Variants in SLC25A26 observed in about 807,000 individuals in gnomAD.
SLC25A26 encodes solute carrier family 25 member 26.
A neutral mutation model predicts 37.8 loss-of-function variants in SLC25A26; 36 were observed. The ratio of observed to expected loss-of-function variants is 0.95; its 90% CI spans 0.73 to 1.26. SLC25A26 has a LOEUF of 1.26. Ranked by LOEUF, SLC25A26 falls within the 50% of genes most tolerant of loss-of-function variation. SLC25A26 has a pLI of 0.00. For missense variants in SLC25A26, 390 were observed against 331.1 expected (o/e 1.18, Z -1.38); for synonymous variants, 129 against 122.5 (o/e 1.05, Z -0.35).
In SLC25A26 at chr3:66,276,801, T is replaced by C. The variant is rs1034424769; in HGVS notation, c.453+13422T>C. ...AAATTTTTGTGAGGATTTTTTTTTT[T>C]CCCTTTTTGAATATACTCTGCTTTT... On this transcript the variant is annotated intron_variant, in intron 5 of 9. Transcript: ENST00000354883. Among the ~76,000 whole-genome samples the C allele has an allele frequency of 4.6e-5, 7 of 151,880 alleles. No homozygotes were observed. The South Asian group carries it at 6.2e-4, about 14-fold the overall frequency.
chr3:66,336,823 A>ATG (rs549839774), intron 5 of SLC25A26, among the ~76,000 whole-genome samples: 75 of 152,164 alleles, frequency 4.9e-4, no homozygotes, highest in Middle Eastern at 3.4e-3. Context: ...ACATATGTAT[A>ATG]TGTGTGTGTG....
At chr3:66,321,193 C>T (rs1445578778) in intron 5 of SLC25A26, among the ~76,000 whole-genome samples, 1 of 152,226 alleles carries the variant, frequency 6.6e-6, no homozygotes, top group Non-Finnish European at 1.5e-5. Context: ...TGCAAATTCT[C>T]AGGTCCTACC....
chr3:66,315,592 G>T (rs993049823), intron 5 of SLC25A26, among the ~76,000 whole-genome samples: 4 of 152,164 alleles, frequency 2.6e-5, no homozygotes, highest in Non-Finnish European at 4.4e-5. Context: ...TGCATATTCT[G>T]TTGTTTTTGG....
chr3:66,346,448 A>T, intron 6 of SLC25A26, 40 bp downstream of exon 6: 1 of 1,096,544 alleles, frequency 9.1e-7, no homozygotes, highest in Non-Finnish European at 1.3e-6. Context: ...GTCTCTAATT[A>T]TAACATACCT....
intron 5 of SLC25A26, among the ~76,000 whole-genome samples, chr3:66,332,481 T>C (rs541985335): frequency 2.0e-5 from 3 of 152,340 alleles, no homozygotes; most frequent in African/African-American, 7.2e-5. Flanking sequence ...AAGCACTTTT[T>C]TTTTGCATTT....
chr3:66,261,994 T>A (rs2073547877), intron 3 of SLC25A26, 57 bp from the exon 4 acceptor site: 1 of 1,091,432 alleles, frequency 9.2e-7, no homozygotes. Flanking sequence ...TACCAAAAAA[T>A]TTCAATTTTT....
intron 5 of SLC25A26, among the ~76,000 whole-genome samples, chr3:66,318,584 C>T (rs2075605143): frequency 6.6e-6 from 1 of 152,008 alleles, no homozygotes; most frequent in Admixed American, 6.5e-5. Context: ...TTGTCCTTCT[C>T]AGTGGAAGCC....
intron 5 of SLC25A26, among the ~76,000 whole-genome samples, chr3:66,341,068 A>AT (rs1348194437): frequency 6.6e-6 from 1 of 151,774 alleles, no homozygotes; most frequent in Non-Finnish European, 1.5e-5. Flanking sequence ...TTATATTTTT[A>AT]TTTGTTTTTC....
At chr3:66,308,194 T>C (rs889445548) in intron 5 of SLC25A26, among the ~76,000 whole-genome samples, 6 of 152,186 alleles carry the variant, frequency 3.9e-5, no homozygotes, top group Non-Finnish European at 1.5e-5. Flanking sequence ...TAATTTGTAG[T>C]TCTCCTTTAA....
At chr3:66,174,001 C>T (rs150383243) in intron 1 of SLC25A26, among the ~76,000 whole-genome samples, 3 of 151,468 alleles carry the variant, frequency 2.0e-5, no homozygotes, top group East Asian at 2.0e-4. Context: ...TGCAGTGAGC[C>T]GAGATCGTGC....
At position 66,182,716 on chromosome 3, in the gene SLC25A26, C is replaced by CG. The variant is rs539207365; in HGVS notation, c.-353-38014dup. ...ATCGGCCTCAACCTGCAGTGGGCGG[C>CG]GGGGGGGGGGGGTGGGGTATCAGTA... On this transcript the variant is annotated intron_variant, in intron 1 of 10. Coordinates refer to the SLC25A26 transcript ENST00000676754. Among the ~76,000 whole-genome samples the CG allele has an allele frequency of 4.3e-4, 38 of 87,580 alleles. 2 individuals carry two copies. The highest frequency in any genetic ancestry group is 4.3e-3 in the East Asian group (10 of 2,350). The allele number at this position is 87,580 out of a possible 152,430, so 57.5% of individuals were successfully genotyped here. A position where few individuals can be genotyped will look rare whatever the true frequency, so the allele number is the denominator to read the frequency against.
chr3:66,276,196 A>T (rs1184143065), intron 5 of SLC25A26, among the ~76,000 whole-genome samples: 1 of 152,150 alleles, frequency 6.6e-6, no homozygotes, highest in Non-Finnish European at 1.5e-5. Context: ...ATATTTTCCT[A>T]ATCCTTAAAC....
intron 1 of SLC25A26, among the ~76,000 whole-genome samples, chr3:66,139,544 G>C (rs777280795): frequency 5.9e-5 from 9 of 152,136 alleles, no homozygotes; most frequent in Non-Finnish European, 1.3e-4. Context: ...GCGGTCATTA[G>C]AGCTCCTAGC....
intron 1 of SLC25A26, among the ~76,000 whole-genome samples, chr3:66,152,442 G>A (rs1307975470): frequency 6.6e-6 from 1 of 152,166 alleles, no homozygotes; most frequent in Non-Finnish European, 1.5e-5. Flanking sequence ...TGACAGATTG[G>A]AATTCAGACA....
At chr3:66,360,317 G>T (rs989839518) in intron 6 of SLC25A26, among the ~76,000 whole-genome samples, 1 of 152,180 alleles carries the variant, frequency 6.6e-6, no homozygotes, top group Non-Finnish European at 1.5e-5. Flanking sequence ...ATATATTAAA[G>T]AGGTCTTTTT....
At chr3:66,356,717 C>T (rs1029651097) in intron 6 of SLC25A26, among the ~76,000 whole-genome samples, 8 of 152,194 alleles carry the variant, frequency 5.3e-5, no homozygotes, top group African/African-American at 1.9e-4. Context: ...CAGCTTCAAC[C>T]TCCCAGGCTC....
intron 9 of SLC25A26, 52 bp from the exon 10 acceptor site, chr3:66,377,638 T>G: frequency 6.9e-7 from 1 of 1,447,760 alleles, no homozygotes; most frequent in Non-Finnish European, 9.7e-7. Flanking sequence ...TATTGGAATT[T>G]AACCTTTTTT....
At chr3:66,335,808 T>C (rs1389765443) in intron 5 of SLC25A26, among the ~76,000 whole-genome samples, 1 of 152,170 alleles carries the variant, frequency 6.6e-6, no homozygotes, top group Non-Finnish European at 1.5e-5. Context: ...GCTGCATTAC[T>C]ACTAAGCCTC....
chr3:66,223,801 T>C (rs926690316), intron 1 of SLC25A26, among the ~76,000 whole-genome samples: 2 of 152,212 alleles, frequency 1.3e-5, no homozygotes, highest in African/African-American at 2.4e-5. Flanking sequence ...ATGTTAGTTA[T>C]CATTTGGAGC....
Sources: gnomAD v4.1 joint callset for allele counts (sites outside exome capture counted in the v4.1 genomes callset) on GRCh38, gnomAD v4.1.1 for gene constraint, MANE v1.5 for transcripts, NCBI Gene and HGNC (gene_info 2026-07-23, HGNC 2026-07-21) for gene names.